Variants in FHIP2A observed in about 807,000 individuals in gnomAD.
FHIP2A encodes family with sequence similarity 160 member B1.
Under a neutral mutation model 93.5 loss-of-function variants are expected in FHIP2A, and 46 were observed. The ratio of observed to expected loss-of-function variants is 0.49; its 90% CI spans 0.39 to 0.63. The LOEUF (loss-of-function observed/expected upper bound fraction) is 0.63, where lower values mean the gene tolerates loss of function less well. Ranked by LOEUF, FHIP2A falls within the 20% of genes least tolerant of loss-of-function variation. FHIP2A has a pLI of 0.00. For synonymous variants in FHIP2A, 332 were observed against 326.5 expected, an observed-to-expected ratio of 1.02 and a Z score of -0.18; for missense variants, 769 against 909.7, an observed-to-expected ratio of 0.85 and a Z score of 1.99.
intron 13 of FHIP2A, among the ~76,000 whole-genome samples, chr10:114,852,435 AG>A (rs1428804936): frequency 6.6e-6 from 1 of 152,162 alleles, no homozygotes; most frequent in African/African-American, 2.4e-5. Context: ...TGCTGTGGTC[AG>A]TGGCATATCC....
chr10:114,858,633 T>C (rs1049877080), intron 14 of FHIP2A, among the ~76,000 whole-genome samples: 1 of 151,944 alleles, frequency 6.6e-6, no homozygotes, highest in African/African-American at 2.4e-5. Context: ...TTTTTGTAAA[T>C]GATTCCTTCA....
intron 1 of FHIP2A, among the ~76,000 whole-genome samples, chr10:114,827,248 CA>C (rs1415431902): frequency 6.6e-6 from 1 of 152,124 alleles, no homozygotes; most frequent in Non-Finnish European, 1.5e-5. Context: ...ACAGTATGTG[CA>C]AAATTTGCAG....
chr10:114,871,216 G>A (rs1242296509), intron 16 of FHIP2A, among the ~76,000 whole-genome samples: 2 of 151,828 alleles, frequency 1.3e-5, no homozygotes, highest in Admixed American at 6.6e-5. Flanking sequence ...GCAGTGGAAC[G>A]ATCATAGCAC....
At chr10:114,896,641 G>T (rs1003957247) in intron 16 of FHIP2A, among the ~76,000 whole-genome samples, 1 of 152,118 alleles carries the variant, frequency 6.6e-6, no homozygotes, top group South Asian at 2.1e-4. Context: ...GCCCCTCCCC[G>T]CTTCCTGCCT....
At chr10:114,882,124 G>A (rs898607919) in intron 16 of FHIP2A, among the ~76,000 whole-genome samples, 1 of 152,234 alleles carries the variant, frequency 6.6e-6, no homozygotes, top group East Asian at 1.9e-4. Flanking sequence ...CTTACTCACG[G>A]ACAGAAGAGA....
At chr10:114,895,492 G>A (rs1489845885) in intron 16 of FHIP2A, among the ~76,000 whole-genome samples, 1 of 152,158 alleles carries the variant, frequency 6.6e-6, no homozygotes, top group Non-Finnish European at 1.5e-5. Context: ...CCATGGGTAA[G>A]CAGTAACTTG....
chr10:114,891,219 A>AATATATATATAT (rs67046628), intron 16 of FHIP2A, among the ~76,000 whole-genome samples: 1,561 of 138,384 alleles, frequency 0.011, 12 homozygotes, highest in Non-Finnish European at 0.017. Flanking sequence ...AACAACAACA[A>AATATATATATAT]ATATATATAT....
chr10:114,869,654 C>A (rs2083847444), downstream of FHIP2A, among the ~76,000 whole-genome samples: 1 of 152,122 alleles, frequency 6.6e-6, no homozygotes, highest in Non-Finnish European at 1.5e-5. Context: ...TAAAATGATC[C>A]AATGTCATGC....
Position 114,861,260 on chromosome 10 carries a change from G to C in FHIP2A, c.2118G>C (p.Gln706His). 6.2e-7 allele frequency: 1 copy of C among 1,614,154 alleles called. No homozygotes were observed. The highest frequency in any genetic ancestry group is 8.5e-7 in the Non-Finnish European group (1 of 1,180,018). Residue 706 changes from glutamine (Q) to histidine (H), a missense_variant, in exon 16 of 17, where the codon CAG becomes CAC. Coordinates refer to ENST00000369248, the MANE Select transcript of FHIP2A (RefSeq NM_020940.4). ...RVVGDLMLRI[Q>H]RIQDFTPKLL... ...TTGGAGACCTTATGCTTCGAATCCA[G>C]CGTATTCAAGACTTTACTCCCAAGC...
intron 16 of FHIP2A, among the ~76,000 whole-genome samples, chr10:114,893,632 G>A (rs926256683): frequency 3.2e-4 from 48 of 152,142 alleles, no homozygotes; most frequent in African/African-American, 1.1e-3. Flanking sequence ...TGACCAGCAT[G>A]GCTCTTCCTT....
intron 12 of FHIP2A, among the ~76,000 whole-genome samples, chr10:114,847,750 C>CTTTTT (rs35185002): frequency 7.2e-6 from 1 of 139,042 alleles, no homozygotes. Flanking sequence ...CCTCCCCCAC[C>CTTTTT]TTTTTTTTTT....
chr10:114,825,754 A>G (rs554364984), intron 1 of FHIP2A, among the ~76,000 whole-genome samples: 1 of 152,234 alleles, frequency 6.6e-6, no homozygotes, highest in Admixed American at 6.5e-5. Context: ...CAAAAGATAG[A>G]TAAAACACTT....
chr10:114,865,245 C>T (rs1290527980), downstream of FHIP2A, among the ~76,000 whole-genome samples: 2 of 152,138 alleles, frequency 1.3e-5, no homozygotes, highest in African/African-American at 2.4e-5. Context: ...GCCTCGGCCT[C>T]CCAAAGTGCT....
chr10:114,847,948 A>C (rs11196953), intron 12 of FHIP2A, among the ~76,000 whole-genome samples: 1 of 151,982 alleles, frequency 6.6e-6, no homozygotes, highest in Non-Finnish European at 1.5e-5. Context: ...ATGAGCCACC[A>C]TGCTGAGTCA....
chr10:114,871,541 C>T (rs1170467849), intron 16 of FHIP2A, among the ~76,000 whole-genome samples: 1 of 152,110 alleles, frequency 6.6e-6, no homozygotes, highest in Non-Finnish European at 1.5e-5. Context: ...AGTGAATAAT[C>T]CATTTTCCTC....
chr10:114,841,378 T>C (rs2083668131), intron 5 of FHIP2A, among the ~76,000 whole-genome samples: 1 of 148,602 alleles, frequency 6.7e-6, no homozygotes, highest in African/African-American at 2.5e-5. Flanking sequence ...CTGCAACCTC[T>C]GCCTCCCAGA....
chr10:114,863,273 A>G lies in FHIP2A; in HGVS notation c.*1733A>G. The G allele has an allele frequency of 1.0e-6, 1 of 984,154 alleles. No homozygotes were observed. The highest frequency in any genetic ancestry group is 1.2e-6 in the Non-Finnish European group (1 of 828,752). The allele number at this position is 984,154 out of a possible 1,614,324, so 61.0% of individuals were successfully genotyped here. ...TGTATTTTTTTAATCACTTCATACA[A>G]GGAAAACTTCGACATTTACATTTCT... On this transcript the variant is annotated 3_prime_UTR_variant, in exon 17 of 17. Transcript: ENST00000369248.
intron 16 of FHIP2A, among the ~76,000 whole-genome samples, chr10:114,884,680 A>G (rs1168680188): frequency 6.6e-6 from 1 of 151,422 alleles, no homozygotes; most frequent in African/African-American, 2.4e-5. Context: ...TGGGAGGCTG[A>G]GGCAGGTGGA....
At chr10:114,857,367 G>A (rs2143012812) in intron 14 of FHIP2A, among the ~76,000 whole-genome samples, 1 of 140,884 alleles carries the variant, frequency 7.1e-6, no homozygotes, top group East Asian at 2.0e-4. Context: ...CTGGAATGCA[G>A]TGGTGTGATC....
Sources: allele counts gnomAD v4.1 joint callset (sites outside exome capture counted in the v4.1 genomes callset), GRCh38; gene constraint gnomAD v4.1.1; transcripts MANE v1.5; gene names NCBI Gene and HGNC (gene_info 2026-07-23, HGNC 2026-07-21).